The following C2orf42 variants were observed in gnomAD, a reference collection of about 807,000 sequenced individuals.
The protein encoded by C2orf42 is uncharacterized protein C2orf42.
C2orf42 carries 44 observed loss-of-function variants against 58.9 expected under a neutral mutation model. The ratio of observed to expected loss-of-function variants is 0.75; its 90% CI spans 0.59 to 0.96. The LOEUF is 0.96. Among genes scored for constraint, C2orf42 ranks in the 40% least tolerant of loss-of-function variants. The probability of loss-of-function intolerance (pLI) is 0.00; values close to 1 mark genes in which losing one functional copy is unlikely to be tolerated. For missense variants in C2orf42, 630 were observed against 699.2 expected (o/e 0.90, Z 1.12); for synonymous variants, 239 against 265.4 (o/e 0.90, Z 0.97).
Position 70,159,408 on chromosome 2 carries a change from T to A in C2orf42, c.1516+1217A>T, listed in dbSNP as rs534685565. On this transcript the variant is annotated intron_variant, in intron 9 of 9. Transcript: ENST00000264434. ...TTCGAGACCAGCCTGGGCAACATGG[T>A]GAAACCCCGTCTCTACTAAAATACA... 8.6e-5 allele frequency among the ~76,000 whole-genome samples: 13 copies of A among 150,900 alleles called. No homozygotes were observed. In the South Asian group the frequency reaches 2.8e-3, roughly 32 times the overall value.
intron 1 of C2orf42, among the ~76,000 whole-genome samples, chr2:70,183,786 A>G (rs1182316679): frequency 2.0e-5 from 3 of 150,740 alleles, no homozygotes; most frequent in Non-Finnish European, 2.9e-5. Context: ...TCAATAACTC[A>G]TCCTTCCTAA....
chr2:70,179,131 G>A (rs1674383689), intron 4 of C2orf42, among the ~76,000 whole-genome samples: 1 of 152,002 alleles, frequency 6.6e-6, no homozygotes, highest in Admixed American at 6.6e-5. Flanking sequence ...TCTGTTTAAG[G>A]GATGTACAAA....
intron 9 of C2orf42, among the ~76,000 whole-genome samples, chr2:70,152,862 G>A (rs1310296669): frequency 6.6e-6 from 1 of 152,082 alleles, no homozygotes; most frequent in African/African-American, 2.4e-5. Context: ...GTGAAACTCC[G>A]TCTCTACTAA....
rs149091241 is a variant in C2orf42 at position 70,172,286 on chromosome 2, C to A, written c.1040-2625G>T. On this transcript the variant is annotated intron_variant, in intron 5 of 9. Transcript: ENST00000264434. ...TCCCCACCCACTGAGTGACGAGGGT[C>A]CATATCTCAAGTTCCTCTCTTCTAA... 1.5e-3 allele frequency among the ~76,000 whole-genome samples: 227 copies of A among 151,312 alleles called. 1 individual carries two copies. The highest frequency in any genetic ancestry group is 5.3e-3 in the African/African-American group (218 of 41,250).
At chr2:70,152,057 G>A (rs1672347890) in intron 9 of C2orf42, among the ~76,000 whole-genome samples, 1 of 152,122 alleles carries the variant, frequency 6.6e-6, no homozygotes, top group African/African-American at 2.4e-5. Context: ...GATTACAGGC[G>A]TGAGCCACTG....
At position 70,150,000 on chromosome 2, in the gene C2orf42, T is replaced by C. The variant is rs370565727; in HGVS notation, c.*356A>G. ...AACCAGGGTGTTAACTTTCCAACAC[T>C]GTTGGTGTATGGCTGAGTGCTGCAG... is the stretch of plus-strand genomic sequence containing the variant. On this transcript the variant is annotated 3_prime_UTR_variant, in exon 10 of 10. Transcript: ENST00000264434. 4.3e-5 allele frequency: 13 copies of C among 301,748 alleles called. No individual in the cohort carries two copies. In the East Asian group the frequency reaches 1.0e-3, roughly 24 times the overall value. 18.7% of individuals were successfully genotyped at this position (301,748 alleles called of 1,614,324 possible).
chr2:70,190,194 T>C (rs1316129767), intron 1 of C2orf42: 2 of 152,240 alleles, frequency 1.3e-5, no homozygotes, highest in Admixed American at 6.5e-5. Context: ...CTGAAAGATC[T>C]GCTGGGTATT....
chr2:70,179,997 AAT>A (rs1674446290), intron 3 of C2orf42, among the ~76,000 whole-genome samples: 1 of 152,154 alleles, frequency 6.6e-6, no homozygotes, highest in South Asian at 2.1e-4. Flanking sequence ...CTTGTTTTAA[AAT>A]AAGTTCCTTG....
intron 9 of C2orf42, 103 bp downstream of exon 9, chr2:70,160,522 T>C (rs1672986441): frequency 1.4e-6 from 1 of 713,788 alleles, no homozygotes; most frequent in African/African-American, 1.9e-5. Context: ...GGTGAATGAA[T>C]GTGTCTTCTT....
intron 6 of C2orf42, among the ~76,000 whole-genome samples, chr2:70,166,799 A>C (rs1216706119): frequency 1.3e-5 from 2 of 152,116 alleles, no homozygotes; most frequent in East Asian, 3.9e-4. Context: ...TCCCCCTTAA[A>C]GGGTATGCGA....
intron 1 of C2orf42, among the ~76,000 whole-genome samples, chr2:70,186,861 C>A (rs1187871007): frequency 2.0e-5 from 3 of 151,714 alleles, no homozygotes; most frequent in South Asian, 4.2e-4. Context: ...GGACAAAAAA[C>A]CAAACACCGC....
At chr2:70,162,639 T>G (rs945122503) in intron 8 of C2orf42, among the ~76,000 whole-genome samples, 5 of 151,382 alleles carry the variant, frequency 3.3e-5, no homozygotes, top group Non-Finnish European at 5.9e-5. Flanking sequence ...TGAGACTCTG[T>G]CTCAAACAAA....
chr2:70,176,165 G>A (rs1393252870), intron 4 of C2orf42, among the ~76,000 whole-genome samples: 2 of 152,146 alleles, frequency 1.3e-5, no homozygotes, highest in African/African-American at 4.8e-5. Context: ...TTAAATTTCA[G>A]ATAAACAACA....
At chr2:70,182,240 T>C (rs984438675) in intron 2 of C2orf42, among the ~76,000 whole-genome samples, 1 of 152,086 alleles carries the variant, frequency 6.6e-6, no homozygotes, top group East Asian at 1.9e-4. Context: ...GCTGGGACTA[T>C]AGGCACCCGC....
At chr2:70,163,079 G>C (rs1419942651) in intron 8 of C2orf42, among the ~76,000 whole-genome samples, 1 of 151,636 alleles carries the variant, frequency 6.6e-6, no homozygotes, top group Admixed American at 6.6e-5. Flanking sequence ...TGTTGGCCAG[G>C]CTGGTCTCAA....
At chr2:70,184,585 ATCC>A (rs1674803584) in intron 1 of C2orf42, among the ~76,000 whole-genome samples, 1 of 146,132 alleles carries the variant, frequency 6.8e-6, no homozygotes, top group African/African-American at 2.6e-5. Context: ...AGGTCAAGCA[ATCC>A]TCCTGCCTCA....
chr2:70,162,358 C>A (rs112513664), intron 8 of C2orf42, among the ~76,000 whole-genome samples: 3 of 150,590 alleles, frequency 2.0e-5, no homozygotes, highest in African/African-American at 7.3e-5. Flanking sequence ...AGAGTAGGGG[C>A]CTTTGCTGGC....
At chr2:70,167,889 G>C (rs1163613780) in intron 6 of C2orf42, among the ~76,000 whole-genome samples, 1 of 152,042 alleles carries the variant, frequency 6.6e-6, no homozygotes, top group African/African-American at 2.4e-5. Flanking sequence ...AGAGGGAATA[G>C]GATGGGATGG....
At chr2:70,183,707 C>A (rs557549742) in intron 1 of C2orf42, among the ~76,000 whole-genome samples, 2 of 144,672 alleles carry the variant, frequency 1.4e-5, no homozygotes, top group South Asian at 2.2e-4. Flanking sequence ...TGAGCCAATG[C>A]GCCCGGCCGA....
Sources: allele counts gnomAD v4.1 joint callset (sites outside exome capture counted in the v4.1 genomes callset), GRCh38; gene constraint gnomAD v4.1.1; transcripts MANE v1.5; gene names NCBI Gene and HGNC (gene_info 2026-07-23, HGNC 2026-07-21).